Variants in DLGAP2 observed in about 807,000 individuals in gnomAD.
DLGAP2 encodes the protein DLG associated protein 2, also known as disks large-associated protein 2.
In DLGAP2, 26 loss-of-function variants were observed where a neutral mutation model predicts 100.3. The ratio of observed to expected loss-of-function variants is 0.26; its 90% CI spans 0.19 to 0.36. The LOEUF (loss-of-function observed/expected upper bound fraction) is 0.36, where lower values mean the gene tolerates loss of function less well. DLGAP2 is among the 10% of genes least tolerant of loss of function. The probability of loss-of-function intolerance (pLI) is 1.00; values close to 1 mark genes in which losing one functional copy is unlikely to be tolerated. For missense variants in DLGAP2, 1,858 were observed against 1,453.2 expected (o/e 1.28, Z -4.53); for synonymous variants, 886 against 630.1 (o/e 1.41, Z -6.08).
chr8:1,185,307 C>T (rs151139097), intron 2 of DLGAP2, among the ~76,000 whole-genome samples: 30 of 152,166 alleles, frequency 2.0e-4, no homozygotes, highest in Non-Finnish European at 3.4e-4. Flanking sequence ...TGGACATAAG[C>T]CTCGGGCTGA....
In DLGAP2 at chr8:1,703,046, G is replaced by T. The variant is rs893493079; in HGVS notation, c.*1640G>T. 1 of 152,670 alleles carries T rather than the reference G, an allele frequency of 6.6e-6. No homozygotes were observed. The highest frequency in any genetic ancestry group is 1.5e-5 in the Non-Finnish European group (1 of 68,092). 9.5% of individuals were successfully genotyped at this position (152,670 alleles called of 1,614,324 possible). A position where few individuals can be genotyped will look rare whatever the true frequency, so the allele number is the denominator to read the frequency against. On this transcript the variant is annotated 3_prime_UTR_variant, in exon 15 of 15. Transcript: ENST00000637795. ...GTTCGATGTGCGGTTGGCCCCCAGCGCGCCCTCCAGAGCTGCGGTGTCTCC... is the reference window on the plus strand; with the variant it reads ...GTTCGATGTGCGGTTGGCCCCCAGCTCGCCCTCCAGAGCTGCGGTGTCTCC...
chr8:786,339 C>T (rs758841650), intron 1 of DLGAP2, among the ~76,000 whole-genome samples: 4 of 152,152 alleles, frequency 2.6e-5, no homozygotes, highest in African/African-American at 9.7e-5. Flanking sequence ...TCCCACTTCT[C>T]GCGGCCGAGA....
chr8:1,122,935 C>T (rs1048068255), intron 2 of DLGAP2, among the ~76,000 whole-genome samples: 2 of 152,198 alleles, frequency 1.3e-5, no homozygotes, highest in Non-Finnish European at 2.9e-5. Flanking sequence ...TCTTAAGAAC[C>T]TCACACAACA....
chr8:906,868 C>T (rs112343113), intron 1 of DLGAP2, among the ~76,000 whole-genome samples: 33 of 152,314 alleles, frequency 2.2e-4, no homozygotes, highest in African/African-American at 7.5e-4. Flanking sequence ...TGTTGATTTG[C>T]ACAGAGTTGA....
At chr8:1,565,531 A>G (rs2956916) in intron 5 of DLGAP2, 152 bp from the exon 6 acceptor site, 286,037 of 612,664 alleles carry the variant, frequency 0.47, 68,187 homozygotes, top group Admixed American at 0.58. Flanking sequence ...TCCTTTTAGG[A>G]TATGCATTTT....
chr8:1,092,728 C>A (rs1804226046), intron 2 of DLGAP2, among the ~76,000 whole-genome samples: 1 of 152,294 alleles, frequency 6.6e-6, no homozygotes, highest in African/African-American at 2.4e-5. Flanking sequence ...AACCTGAGGT[C>A]CCGACTTGGC....
chr8:1,632,106 AAGGGAGGGAGGATGGG>A (rs2130779859), intron 7 of DLGAP2, among the ~76,000 whole-genome samples: 1 of 151,872 alleles, frequency 6.6e-6, no homozygotes, highest in South Asian at 2.1e-4. Context: ...GGAAGGATGG[AAGGGAGGGAGGATGGG>A]AGGGAGGGGA....
chr8:1,183,614 G>T (rs982306222), intron 2 of DLGAP2, among the ~76,000 whole-genome samples: 1 of 152,184 alleles, frequency 6.6e-6, no homozygotes, highest in Non-Finnish European at 1.5e-5. Context: ...GGAGGTTTGC[G>T]AGGGAGGCAC....
chr8:1,301,495 G>A (rs1235281982), intron 3 of DLGAP2: 1 of 151,972 alleles, frequency 6.6e-6, no homozygotes, highest in East Asian at 1.9e-4. Context: ...CTCAAGATAG[G>A]TCTGAGGTTC....
intron 3 of DLGAP2, among the ~76,000 whole-genome samples, chr8:1,277,318 T>C (rs1018734792): frequency 2.0e-5 from 3 of 152,184 alleles, no homozygotes; most frequent in Non-Finnish European, 4.4e-5. Context: ...TATTTTTTTG[T>C]TGTTGCTATT....
intron 2 of DLGAP2, among the ~76,000 whole-genome samples, chr8:967,286 G>A (rs543037542): frequency 6.6e-6 from 1 of 152,310 alleles, no homozygotes; most frequent in African/African-American, 2.4e-5. Context: ...GAAGAAAATG[G>A]GAATGAGCCC....
intron 1 of DLGAP2, among the ~76,000 whole-genome samples, chr8:860,203 A>G (rs1797363228): frequency 1.3e-5 from 2 of 152,152 alleles, no homozygotes; most frequent in Non-Finnish European, 2.9e-5. Context: ...ACGGCCTTTC[A>G]GGTGGCCTTC....
chr8:1,110,763 G>A (rs901617923), intron 2 of DLGAP2, among the ~76,000 whole-genome samples: 1 of 146,306 alleles, frequency 6.8e-6, no homozygotes, highest in Admixed American at 7.0e-5. Context: ...CAGCCCTGCA[G>A]TGGCACTGTT....
At chr8:1,445,697 G>C (rs2130086864) in intron 3 of DLGAP2, among the ~76,000 whole-genome samples, 1 of 152,272 alleles carries the variant, frequency 6.6e-6, no homozygotes, top group South Asian at 2.1e-4. Context: ...CTAATTTACA[G>C]TCCCACTAAC....
intron 3 of DLGAP2, chr8:1,299,973 G>C (rs1800292195): frequency 6.6e-6 from 1 of 152,218 alleles, no homozygotes; most frequent in African/African-American, 2.4e-5. Context: ...CCTGGGGAGG[G>C]CCTCTTCCTG....
intron 3 of DLGAP2, among the ~76,000 whole-genome samples, chr8:1,491,607 G>T (rs1040973278): frequency 6.6e-6 from 1 of 152,222 alleles, no homozygotes; most frequent in Non-Finnish European, 1.5e-5. Flanking sequence ...AGATGGTAGT[G>T]CAGGGGACCT....
chr8:1,460,937 C>T (rs1247789410), intron 3 of DLGAP2, among the ~76,000 whole-genome samples: 1 of 152,204 alleles, frequency 6.6e-6, no homozygotes. Context: ...AGCATAAACA[C>T]AAGGGTACCA....
chr8:979,038 C>T lies in DLGAP2; in HGVS notation c.73+71072C>T, dbSNP rs919290421. Among the ~76,000 whole-genome samples the T allele has an allele frequency of 9.2e-5, 14 of 152,176 alleles. No homozygotes were observed. In the East Asian group the frequency reaches 1.5e-3, roughly 17 times the overall value. ...CAGCTTGTTCCCACACTTCATTCTC[C>T]GCAGGAGTGTTCAGGAGCATGCAGT... On this transcript the variant is annotated intron_variant, in intron 2 of 14. Coordinates refer to ENST00000637795, the MANE Select transcript of DLGAP2 (RefSeq NM_001346810.2).
intron 1 of DLGAP2, among the ~76,000 whole-genome samples, chr8:758,657 G>A (rs932513873): frequency 6.6e-6 from 1 of 152,058 alleles, no homozygotes; most frequent in African/African-American, 2.4e-5. Context: ...AACCACCTGG[G>A]CTCAGGTGAT....
Sources: gnomAD v4.1 joint callset for allele counts (sites outside exome capture counted in the v4.1 genomes callset) on GRCh38, gnomAD v4.1.1 for gene constraint, MANE v1.5 for transcripts, NCBI Gene and HGNC (gene_info 2026-07-23, HGNC 2026-07-21) for gene names.